Variants in ARHGAP15 observed in about 807,000 individuals in gnomAD.
ARHGAP15 encodes the protein rho GTPase-activating protein 15.
In ARHGAP15, 51 loss-of-function variants were observed where a neutral mutation model predicts 63.7. That is an observed-to-expected ratio of 0.80 (90% CI 0.64 to 1.01). The LOEUF (loss-of-function observed/expected upper bound fraction) is 1.01. Ranked by LOEUF, ARHGAP15 falls within the 50% of genes least tolerant of loss-of-function variation. The probability of loss-of-function intolerance (pLI) is 0.00; values close to 1 mark genes in which losing one functional copy is unlikely to be tolerated. For synonymous variants in ARHGAP15, 191 were observed against 193.8 expected, an observed-to-expected ratio of 0.99 and a Z score of 0.12; for missense variants, 560 against 564.6, an observed-to-expected ratio of 0.99 and a Z score of 0.08.
chr2:143,615,787 T>G (rs182734164), intron 11 of ARHGAP15, among the ~76,000 whole-genome samples: 11 of 152,328 alleles, frequency 7.2e-5, no homozygotes, highest in Admixed American at 7.2e-4. Context: ...TGTCGAAATT[T>G]AATCCTATGA....
chr2:143,545,226 A>T (rs1362583966), intron 10 of ARHGAP15, among the ~76,000 whole-genome samples: 1 of 152,184 alleles, frequency 6.6e-6, no homozygotes, highest in Non-Finnish European at 1.5e-5. Flanking sequence ...TAGCAGAGGC[A>T]AGCCATCAAA....
intron 5 of ARHGAP15, among the ~76,000 whole-genome samples, chr2:143,243,014 A>C (rs6738149): frequency 0.17 from 25,780 of 152,174 alleles, 2,357 homozygotes; most frequent in Middle Eastern, 0.25. Context: ...TATTTCATAA[A>C]ATCCGAGCTT....
intron 6 of ARHGAP15, among the ~76,000 whole-genome samples, chr2:143,253,753 C>T (rs1680281011): frequency 6.7e-6 from 1 of 149,570 alleles, no homozygotes; most frequent in South Asian, 2.1e-4. Context: ...TACTTATATA[C>T]ATAAAATATA....
At chr2:143,256,131 TA>T (rs750026352) in intron 6 of ARHGAP15, among the ~76,000 whole-genome samples, 5 of 152,154 alleles carry the variant, frequency 3.3e-5, no homozygotes, top group Non-Finnish European at 5.9e-5. Flanking sequence ...GTGTTAATAC[TA>T]AAATGAAGCA....
At chr2:143,547,858 G>A (rs1250267260) in intron 10 of ARHGAP15, among the ~76,000 whole-genome samples, 2 of 151,950 alleles carry the variant, frequency 1.3e-5, no homozygotes, top group Non-Finnish European at 2.9e-5. Flanking sequence ...AAGAATACCT[G>A]ATAATAGTAA....
rs1558779549 is a variant in ARHGAP15 at position 143,153,837 on chromosome 2, T to TCCTCCTCCTCC, written c.-14-1640_-14-1639insCCTCCTCCTCC. 3.3e-4 allele frequency among the ~76,000 whole-genome samples: 24 copies of TCCTCCTCCTCC among 72,202 alleles called. 1 individual carries two copies. Among genetic ancestry groups the TCCTCCTCCTCC allele is most frequent in the Admixed American group, 1.3e-3 (8 of 6,280 alleles). 47.4% of individuals were successfully genotyped at this position (72,202 alleles called of 152,430 possible). A position where few individuals can be genotyped will look rare whatever the true frequency, so the allele number is the denominator to read the frequency against. Reference sequence around the variant, plus strand: ...CTTCTTCTTCTTCTTCTTCTTCTTCTTCTTCTTCCTCCTCCTCCTCCTCCT... The same window carrying TCCTCCTCCTCC: ...CTTCTTCTTCTTCTTCTTCTTCTTCTCCTCCTCCTCCTCTTCTTCCTCCTCCTCCTCCTCCT... On this transcript the variant is annotated intron_variant, in intron 1 of 13. Transcript: ENST00000295095.
intron 11 of ARHGAP15, among the ~76,000 whole-genome samples, chr2:143,574,164 ACACT>A (rs1483036895): frequency 3.3e-5 from 5 of 152,096 alleles, no homozygotes; most frequent in Non-Finnish European, 7.4e-5. Flanking sequence ...AGCCACACTG[ACACT>A]CACTCACACA....
chr2:143,515,855 C>T (rs1693790391), intron 9 of ARHGAP15, among the ~76,000 whole-genome samples: 2 of 152,206 alleles, frequency 1.3e-5, no homozygotes, highest in Non-Finnish European at 2.9e-5. Flanking sequence ...ACATAACCTC[C>T]ATCTCTTTTA....
chr2:143,390,428 G>A (rs927105560), intron 6 of ARHGAP15, among the ~76,000 whole-genome samples: 57 of 152,158 alleles, frequency 3.7e-4, no homozygotes, highest in African/African-American at 1.3e-3. Flanking sequence ...GTGCTAACAG[G>A]CCTCACGGGG....
chr2:143,227,456 G>C (rs1401654144), intron 4 of ARHGAP15, among the ~76,000 whole-genome samples: 2 of 152,114 alleles, frequency 1.3e-5, no homozygotes, highest in Admixed American at 1.3e-4. Context: ...TTTCTTAATG[G>C]AGGATAGAGG....
intron 6 of ARHGAP15, among the ~76,000 whole-genome samples, chr2:143,313,955 G>C (rs1354841319): frequency 3.1e-5 from 3 of 97,906 alleles, no homozygotes; most frequent in Non-Finnish European, 5.9e-5. Context: ...TGAGGAGAGG[G>C]CTTTTTTTTT....
intron 6 of ARHGAP15, among the ~76,000 whole-genome samples, chr2:143,372,005 C>A (rs888518521): frequency 8.7e-5 from 11 of 126,570 alleles, no homozygotes; most frequent in Non-Finnish European, 1.3e-4. Flanking sequence ...TCCCCACGAG[C>A]CTATGGAAAT....
intron 9 of ARHGAP15, among the ~76,000 whole-genome samples, chr2:143,511,688 A>G (rs1693597237): frequency 6.6e-6 from 1 of 152,160 alleles, no homozygotes; most frequent in South Asian, 2.1e-4. Flanking sequence ...TTGCCTGGAA[A>G]GCAGAATGCC....
At chr2:143,497,250 A>G (rs1692857231) in intron 9 of ARHGAP15, among the ~76,000 whole-genome samples, 1 of 152,126 alleles carries the variant, frequency 6.6e-6, no homozygotes, top group Admixed American at 6.5e-5. Context: ...GTGCTCTCGA[A>G]AGCATATCCT....
chr2:143,350,196 A>T (rs557126631), intron 6 of ARHGAP15, among the ~76,000 whole-genome samples: 1 of 152,208 alleles, frequency 6.6e-6, no homozygotes, highest in East Asian at 1.9e-4. Context: ...ATTCATGTTT[A>T]TAATTAGTTT....
chr2:143,226,927 A>G (rs1044130179), intron 4 of ARHGAP15, among the ~76,000 whole-genome samples: 1 of 152,236 alleles, frequency 6.6e-6, no homozygotes, highest in African/African-American at 2.4e-5. Context: ...CTTAGTTTCT[A>G]AAAGACAAGT....
At chr2:143,221,470 T>C (rs910113102) in intron 4 of ARHGAP15, among the ~76,000 whole-genome samples, 1 of 152,204 alleles carries the variant, frequency 6.6e-6, no homozygotes, top group Non-Finnish European at 1.5e-5. Context: ...TTCACTTTAA[T>C]TTTTAATTGT....
At chr2:143,295,738 T>C (rs1159423041) in intron 6 of ARHGAP15, 1 of 152,004 alleles carries the variant, frequency 6.6e-6, no homozygotes, top group Non-Finnish European at 1.5e-5. Context: ...TCTTTATCCA[T>C]TTTTACTTTA....
chr2:143,668,091 T>C (rs991933456), intron 12 of ARHGAP15, among the ~76,000 whole-genome samples: 3 of 151,926 alleles, frequency 2.0e-5, no homozygotes, highest in Non-Finnish European at 2.9e-5. Context: ...GCATGTTTTG[T>C]AGATTTAGTA....
Sources: allele counts gnomAD v4.1 joint callset (sites outside exome capture counted in the v4.1 genomes callset), GRCh38; gene constraint gnomAD v4.1.1; transcripts MANE v1.5; gene names NCBI Gene and HGNC (gene_info 2026-07-23, HGNC 2026-07-21).